Variants in PSD3 observed in about 807,000 individuals in gnomAD.
PSD3 encodes pleckstrin and Sec7 domain containing 3, also known as PH and SEC7 domain-containing protein 3.
PSD3 carries 49 observed loss-of-function variants against 105.5 expected under a neutral mutation model. The observed-to-expected ratio is 0.46, with a 90% CI of 0.37 to 0.59. The LOEUF (loss-of-function observed/expected upper bound fraction) is 0.59. Ranked by LOEUF, PSD3 falls within the 20% of genes least tolerant of loss-of-function variation. The pLI, the probability that PSD3 is intolerant of heterozygous loss-of-function variation, is 0.00. For synonymous variants in PSD3, 557 were observed against 457.8 expected (o/e 1.22, Z -2.77); for missense variants, 1,561 against 1,263.8 (o/e 1.24, Z -3.57).
intron 1 of PSD3, among the ~76,000 whole-genome samples, chr8:19,074,183 C>G (rs1442264117): frequency 2.0e-5 from 3 of 152,186 alleles, no homozygotes; most frequent in Non-Finnish European, 4.4e-5. Context: ...AGCTCCCCAA[C>G]TCCCAGTACG....
chr8:18,675,906 C>G (rs896205285), intron 9 of PSD3, among the ~76,000 whole-genome samples: 5 of 152,116 alleles, frequency 3.3e-5, no homozygotes, highest in Non-Finnish European at 7.4e-5. Flanking sequence ...TCCTATTAGA[C>G]TCTAAGCTGG....
At chr8:18,708,422 C>T (rs981979110) in intron 9 of PSD3, among the ~76,000 whole-genome samples, 1 of 151,824 alleles carries the variant, frequency 6.6e-6, no homozygotes, top group Admixed American at 6.6e-5. Context: ...CAGCTCTAGG[C>T]CTGGGATTGA....
chr8:18,544,266 G>A (rs1293179972), intron 15 of PSD3, among the ~76,000 whole-genome samples: 2 of 150,304 alleles, frequency 1.3e-5, no homozygotes, highest in Admixed American at 6.6e-5. Context: ...TCCCTTCTGC[G>A]TACTACGAGA....
intron 2 of PSD3, among the ~76,000 whole-genome samples, chr8:18,875,445 G>C (rs71510630): frequency 6.6e-6 from 1 of 151,950 alleles, no homozygotes; most frequent in East Asian, 1.9e-4. Context: ...CAGTAAAGAA[G>C]GCAGTAGGTC....
chr8:18,676,678 T>C (rs1800081935), intron 9 of PSD3, among the ~76,000 whole-genome samples: 1 of 152,220 alleles, frequency 6.6e-6, no homozygotes, highest in South Asian at 2.1e-4. Context: ...CCAGATATGC[T>C]GACCCGCATA....
At chr8:18,594,485 T>A (rs1449799062) in intron 12 of PSD3, among the ~76,000 whole-genome samples, 1 of 137,400 alleles carries the variant, frequency 7.3e-6, no homozygotes, top group Non-Finnish European at 1.5e-5. Flanking sequence ...GAAAGAAAGA[T>A]AATATTTTCT....
rs368279320 is a variant in PSD3 at position 18,839,153 on chromosome 8, G to A, written c.1634+28521C>T. Among the ~76,000 whole-genome samples, 11 of 152,034 alleles carry A rather than the reference G, an allele frequency of 7.2e-5. No individual in the cohort carries two copies. The East Asian group carries it at 1.8e-3, about 24-fold the overall frequency. ...GCAGCTCATCTTACCCAGAAGAGCC[G>A]CAATTGCTTCCCAGGATCCTAACTT... On this transcript the variant is annotated intron_variant, in intron 4 of 15. Coordinates refer to ENST00000327040, the MANE Select transcript of PSD3 (RefSeq NM_015310.4).
intron 9 of PSD3, among the ~76,000 whole-genome samples, chr8:18,664,984 G>A (rs192755853): frequency 1.2e-4 from 18 of 152,296 alleles, no homozygotes; most frequent in Middle Eastern, 3.4e-3. Flanking sequence ...CTTTCAAAAT[G>A]TTACTGGTCA....
chr8:18,973,406 G>T (rs982770860), intron 1 of PSD3, among the ~76,000 whole-genome samples: 1 of 152,210 alleles, frequency 6.6e-6, no homozygotes, highest in African/African-American at 2.4e-5. Flanking sequence ...GTTGGATTCT[G>T]GTGGCGGCCC....
chr8:18,815,819 G>A (rs940262635), intron 4 of PSD3, among the ~76,000 whole-genome samples: 1 of 152,114 alleles, frequency 6.6e-6, no homozygotes, highest in Non-Finnish European at 1.5e-5. Flanking sequence ...TACAGCAGCA[G>A]CCTGACAACA....
intron 4 of PSD3, among the ~76,000 whole-genome samples, chr8:18,847,969 T>C (rs539785402): frequency 4.6e-5 from 7 of 151,870 alleles, no homozygotes; most frequent in Non-Finnish European, 7.4e-5. Flanking sequence ...AAAAGACCCA[T>C]GACAACTCAA....
chr8:18,559,195 C>G (rs1303798866), intron 14 of PSD3, among the ~76,000 whole-genome samples: 1 of 152,136 alleles, frequency 6.6e-6, no homozygotes, highest in Non-Finnish European at 1.5e-5. Flanking sequence ...TTTAAGATGA[C>G]TGTTTTCTAA....
At chr8:18,563,127 C>T (rs1175763101) in intron 14 of PSD3, among the ~76,000 whole-genome samples, 1 of 152,032 alleles carries the variant, frequency 6.6e-6, no homozygotes, top group African/African-American at 2.4e-5. Context: ...TTTTTCCTTC[C>T]CTTAAATCCT....
At chr8:18,955,458 A>G (rs1332030537) in intron 1 of PSD3, among the ~76,000 whole-genome samples, 2 of 152,160 alleles carry the variant, frequency 1.3e-5, no homozygotes, top group African/African-American at 2.4e-5. Flanking sequence ...TTTTGGTTAC[A>G]TATATATTAC....
In PSD3 at chr8:18,531,922, A is replaced by C. The variant is rs1189798771; in HGVS notation, c.*3821T>G. The C allele has an allele frequency of 6.6e-6, 1 of 152,230 alleles. No individual in the cohort carries two copies. Among genetic ancestry groups the C allele is most frequent in the African/African-American group, 2.4e-5 (1 of 41,458 alleles). 9.4% of individuals were successfully genotyped at this position (152,230 alleles called of 1,614,324 possible). On this transcript the variant is annotated 3_prime_UTR_variant, in exon 16 of 16. Coordinates refer to ENST00000327040, the MANE Select transcript of PSD3 (RefSeq NM_015310.4). Reference sequence around the variant, plus strand: ...AACTCGACCAAGTCCACGGGAGTTAAATTACAGAGATTCAAACCTGCAAAG... The same window carrying C: ...AACTCGACCAAGTCCACGGGAGTTACATTACAGAGATTCAAACCTGCAAAG...
intron 8 of PSD3, among the ~76,000 whole-genome samples, chr8:18,770,556 T>A (rs1807424778): frequency 1.3e-5 from 2 of 152,166 alleles, no homozygotes; most frequent in African/African-American, 4.8e-5. Flanking sequence ...TCTGCTGTGT[T>A]CCACCCCTTG....
chr8:18,664,653 G>C (rs1203550499), intron 9 of PSD3, among the ~76,000 whole-genome samples: 1 of 152,206 alleles, frequency 6.6e-6, no homozygotes. Flanking sequence ...CTAAACAACA[G>C]ATTTTCAGTA....
At chr8:18,935,220 T>C (rs575184223) in intron 2 of PSD3, among the ~76,000 whole-genome samples, 1 of 152,284 alleles carries the variant, frequency 6.6e-6, no homozygotes, top group Admixed American at 6.5e-5. Context: ...AAGTGAAAAA[T>C]GTTGCTTCTA....
chr8:18,883,237 T>G (rs1292215243), intron 2 of PSD3, among the ~76,000 whole-genome samples: 1 of 152,162 alleles, frequency 6.6e-6, no homozygotes, highest in Non-Finnish European at 1.5e-5. Flanking sequence ...GCCTACTTTT[T>G]TATTTTAAAA....
Sources: gnomAD v4.1 joint callset for allele counts (sites outside exome capture counted in the v4.1 genomes callset) on GRCh38, gnomAD v4.1.1 for gene constraint, MANE v1.5 for transcripts, NCBI Gene and HGNC (gene_info 2026-07-23, HGNC 2026-07-21) for gene names.